Variants in GRID1 observed in about 807,000 individuals in gnomAD.
GRID1 encodes the protein glutamate ionotropic receptor delta type subunit 1, also known as glutamate receptor ionotropic, delta-1.
GRID1 carries 28 observed loss-of-function variants against 98.0 expected under a neutral mutation model. The ratio of observed to expected loss-of-function variants is 0.29; its 90% CI spans 0.21 to 0.39. The LOEUF is 0.39. Ranked by LOEUF, GRID1 falls within the 10% of genes least tolerant of loss-of-function variation. The pLI is 1.00. For synonymous variants in GRID1, 553 were observed against 538.5 expected, an observed-to-expected ratio of 1.03 and a Z score of -0.37; for missense variants, 1,111 against 1,340.5, an observed-to-expected ratio of 0.83 and a Z score of 2.67.
At chr10:85,947,386 T>C (rs1268784217) in intron 4 of GRID1, among the ~76,000 whole-genome samples, 1 of 152,210 alleles carries the variant, frequency 6.6e-6, no homozygotes, top group African/African-American at 2.4e-5. Flanking sequence ...TGAACTGTTT[T>C]TCTTATTATA....
chr10:85,681,943 C>T (rs1168257809), intron 12 of GRID1, among the ~76,000 whole-genome samples: 2 of 152,012 alleles, frequency 1.3e-5, no homozygotes, highest in Non-Finnish European at 2.9e-5. Context: ...TTCCCCGGCA[C>T]AGCACATGCA....
At chr10:86,223,128 C>G (rs1362915910) in intron 2 of GRID1, among the ~76,000 whole-genome samples, 1 of 152,112 alleles carries the variant, frequency 6.6e-6, no homozygotes. Context: ...CAAAATACCA[C>G]ATACTGCTCA....
intron 4 of GRID1, among the ~76,000 whole-genome samples, chr10:86,097,548 A>G (rs1844239002): frequency 6.6e-6 from 1 of 152,140 alleles, no homozygotes; most frequent in Non-Finnish European, 1.5e-5. Flanking sequence ...TCTATCTATC[A>G]TCTATCTATC....
At chr10:85,901,089 A>G (rs73344642) in intron 5 of GRID1, among the ~76,000 whole-genome samples, 4,348 of 152,298 alleles carry the variant, frequency 0.029, 203 homozygotes, top group African/African-American at 0.098. Context: ...ATTCATAACA[A>G]GTAACAAGAG....
chr10:86,338,886 G>A (rs934637661), intron 2 of GRID1, among the ~76,000 whole-genome samples: 8 of 152,000 alleles, frequency 5.3e-5, no homozygotes, highest in Non-Finnish European at 7.4e-5. Context: ...AATACCCTGG[G>A]TATTTAATTC....
chr10:85,619,427 A>C (rs1339872639), intron 14 of GRID1, among the ~76,000 whole-genome samples: 1 of 152,160 alleles, frequency 6.6e-6, no homozygotes, highest in Non-Finnish European at 1.5e-5. Context: ...TTTCTCTTTA[A>C]AAGTGATTAG....
intron 4 of GRID1, among the ~76,000 whole-genome samples, chr10:85,986,128 T>C (rs1472810292): frequency 6.6e-6 from 1 of 152,260 alleles, no homozygotes; most frequent in Non-Finnish European, 1.5e-5. Flanking sequence ...AAGTTCTGCA[T>C]GCCTCCCAGG....
intron 8 of GRID1, among the ~76,000 whole-genome samples, chr10:85,813,208 A>AAT (rs925903661): frequency 4.9e-4 from 74 of 150,668 alleles, no homozygotes; most frequent in Middle Eastern, 6.9e-3. Flanking sequence ...AATTTGATAA[A>AAT]ATATATATAT....
At chr10:86,110,875 T>C (rs1205093926) in intron 4 of GRID1, among the ~76,000 whole-genome samples, 1 of 152,238 alleles carries the variant, frequency 6.6e-6, no homozygotes, top group East Asian at 1.9e-4. Flanking sequence ...CAGTAAACAA[T>C]TCTAAGAGCC....
At chr10:86,212,819 C>T (rs750770299) in intron 2 of GRID1, among the ~76,000 whole-genome samples, 15 of 152,188 alleles carry the variant, frequency 9.9e-5, no homozygotes, top group African/African-American at 3.6e-4. Flanking sequence ...ATTGTCATAA[C>T]TCATAGTAAA....
At chr10:86,360,169 T>C (rs1307662874) in intron 2 of GRID1, among the ~76,000 whole-genome samples, 2 of 150,620 alleles carry the variant, frequency 1.3e-5, no homozygotes, top group African/African-American at 2.4e-5. Context: ...TTCCCTTTTA[T>C]AAAAAAAAAA....
chr10:85,898,161 C>G (rs1257423416), intron 5 of GRID1, among the ~76,000 whole-genome samples: 1 of 152,194 alleles, frequency 6.6e-6, no homozygotes, highest in Non-Finnish European at 1.5e-5. Flanking sequence ...TTGCAGGCAA[C>G]TGTAACCCAA....
rs186805514 is a variant in GRID1 at position 86,328,594 on chromosome 10, C to T, written c.235+35347G>A. 1.9e-4 allele frequency among the ~76,000 whole-genome samples: 29 copies of T among 152,334 alleles called. No individual in the cohort carries two copies. In the East Asian group the frequency reaches 3.9e-3, roughly 20 times the overall value. Reference sequence around the variant, plus strand: ...CATGTCCTCATTTTTCCGTGATCCTCGCATATTGCTTTTACAATCAGAAAA... The same window carrying T: ...CATGTCCTCATTTTTCCGTGATCCTTGCATATTGCTTTTACAATCAGAAAA... On this transcript the variant is annotated intron_variant, in intron 2 of 15. Coordinates refer to ENST00000327946, the MANE Select transcript of GRID1 (RefSeq NM_017551.3).
intron 4 of GRID1, among the ~76,000 whole-genome samples, chr10:86,005,070 G>A (rs1240222966): frequency 2.0e-5 from 3 of 152,126 alleles, no homozygotes; most frequent in Non-Finnish European, 2.9e-5. Flanking sequence ...TTCTCCCAAA[G>A]TATATGGCAA....
intron 2 of GRID1, among the ~76,000 whole-genome samples, chr10:86,350,799 C>G (rs1848451653): frequency 6.6e-6 from 1 of 152,116 alleles, no homozygotes. Context: ...TTGAGAACAT[C>G]CAAATTCCTC....
chr10:86,264,600 G>C, intron 2 of GRID1: 1 of 456,026 alleles, frequency 2.2e-6, no homozygotes, highest in East Asian at 7.0e-5. Context: ...GCTCAGGAGG[G>C]CCTGGCCTGA....
intron 4 of GRID1, among the ~76,000 whole-genome samples, chr10:85,946,335 G>C (rs1589308782): frequency 6.6e-6 from 1 of 152,192 alleles, no homozygotes; most frequent in East Asian, 1.9e-4. Flanking sequence ...CAAGCAGCCA[G>C]GTAAGGTCAC....
intron 4 of GRID1, among the ~76,000 whole-genome samples, chr10:86,075,956 C>T (rs1843875664): frequency 6.6e-6 from 1 of 152,228 alleles, no homozygotes; most frequent in African/African-American, 2.4e-5. Flanking sequence ...GGGGCCAAGA[C>T]TCATGCTGGT....
intron 8 of GRID1, among the ~76,000 whole-genome samples, chr10:85,800,825 T>C (rs1025466606): frequency 6.6e-6 from 1 of 152,028 alleles, no homozygotes; most frequent in African/African-American, 2.4e-5. Flanking sequence ...TAATTCCCAC[T>C]TTACAGAGAT....
Sources: allele counts gnomAD v4.1 joint callset (sites outside exome capture counted in the v4.1 genomes callset), GRCh38; gene constraint gnomAD v4.1.1; transcripts MANE v1.5; gene names NCBI Gene and HGNC (gene_info 2026-07-23, HGNC 2026-07-21).